The following KCNJ6 variants were observed in gnomAD, a reference collection of about 807,000 sequenced individuals.
KCNJ6 encodes the protein G protein-activated inward rectifier potassium channel 2.
KCNJ6 carries 9 observed loss-of-function variants against 34.2 expected under a neutral mutation model. That is an observed-to-expected ratio of 0.26 (90% CI 0.16 to 0.46). KCNJ6 has a LOEUF of 0.46. Among genes scored for constraint, KCNJ6 ranks in the 20% least tolerant of loss-of-function variants. The pLI, the probability that KCNJ6 is intolerant of heterozygous loss-of-function variation, is 1.00. For missense variants in KCNJ6, 236 were observed against 531.3 expected, an observed-to-expected ratio of 0.44 and a Z score of 5.46; for synonymous variants, 196 against 207.1, an observed-to-expected ratio of 0.95 and a Z score of 0.46.
intron 2 of KCNJ6, among the ~76,000 whole-genome samples, chr21:37,722,679 A>G (rs554277474): frequency 6.6e-6 from 1 of 152,212 alleles, no homozygotes; most frequent in Non-Finnish European, 1.5e-5. Context: ...AAAAATAAGC[A>G]GTGGGGAAAG....
At chr21:37,909,974 G>A (rs1232480573) in intron 1 of KCNJ6, among the ~76,000 whole-genome samples, 1 of 152,182 alleles carries the variant, frequency 6.6e-6, no homozygotes, top group Admixed American at 6.5e-5. Context: ...CCGGTCAATG[G>A]AATGTGAGTG....
intron 1 of KCNJ6, among the ~76,000 whole-genome samples, chr21:37,892,858 T>TC (rs1385786352): frequency 1.3e-5 from 2 of 151,174 alleles, no homozygotes; most frequent in African/African-American, 4.9e-5. Flanking sequence ...TTCATAGTTT[T>TC]TTTTTTTTTT....
chr21:37,815,119 G>C (rs1292447828), intron 2 of KCNJ6, among the ~76,000 whole-genome samples: 1 of 151,974 alleles, frequency 6.6e-6, no homozygotes, highest in Non-Finnish European at 1.5e-5. Context: ...GACTGGGGAG[G>C]GTAGTGGGAG....
intron 2 of KCNJ6, among the ~76,000 whole-genome samples, chr21:37,770,747 A>C (rs567397358): frequency 6.6e-6 from 1 of 152,322 alleles, no homozygotes; most frequent in Non-Finnish European, 1.5e-5. Flanking sequence ...ATCAGCTATG[A>C]TCATAAACCA....
chr21:37,707,731 G>GTGTGTGTGTGTGTGTGTATA (rs1556022152), intron 3 of KCNJ6, among the ~76,000 whole-genome samples: 2 of 150,940 alleles, frequency 1.3e-5, no homozygotes, highest in African/African-American at 4.9e-5. Flanking sequence ...GCATGTGTGT[G>GTGTGTGTGTGTGTGTGTATA]TGTGAATAAT....
intron 2 of KCNJ6, among the ~76,000 whole-genome samples, chr21:37,810,862 G>A (rs551175617): frequency 6.6e-6 from 1 of 152,234 alleles, no homozygotes; most frequent in African/African-American, 2.4e-5. Flanking sequence ...TGCATCTTTT[G>A]TTCTAATATT....
Position 37,608,566 on chromosome 21 carries a change from C to T in KCNJ6, c.*16593G>A, listed in dbSNP as rs2054232226. On this transcript the variant is annotated 3_prime_UTR_variant, in exon 4 of 4. Coordinates refer to ENST00000609713, the MANE Select transcript of KCNJ6 (RefSeq NM_002240.5). ...TCTTACTGCTTACGCAGAAACTGATCTACTTTCTTTACATTCCAGCAAATT... is the reference window on the plus strand; with the variant it reads ...TCTTACTGCTTACGCAGAAACTGATTTACTTTCTTTACATTCCAGCAAATT... The T allele has an allele frequency of 6.6e-6, 1 of 152,248 alleles. No homozygotes were observed. The highest frequency in any genetic ancestry group is 1.5e-5 in the Non-Finnish European group (1 of 68,040). The allele number at this position is 152,248 out of a possible 1,614,324, so 9.4% of individuals were successfully genotyped here. A position where few individuals can be genotyped will look rare whatever the true frequency, so the allele number is the denominator to read the frequency against.
chr21:37,693,552 C>A (rs1454347819), intron 3 of KCNJ6, among the ~76,000 whole-genome samples: 2 of 152,050 alleles, frequency 1.3e-5, no homozygotes, highest in African/African-American at 4.8e-5. Context: ...AGGTGCTCGC[C>A]CCTGAGAACC....
At chr21:37,693,388 A>C (rs1352204559) in intron 3 of KCNJ6, among the ~76,000 whole-genome samples, 1 of 152,188 alleles carries the variant, frequency 6.6e-6, no homozygotes, top group African/African-American at 2.4e-5. Context: ...AGAATGAAGG[A>C]GTATGCAGGA....
At position 37,916,426 on chromosome 21, in the gene KCNJ6, C is replaced by G. The variant is rs2055894990; in HGVS notation, c.-570G>C. 6.6e-6 allele frequency: 1 copy of G among 152,200 alleles called. No individual in the cohort carries two copies. Among genetic ancestry groups the G allele is most frequent in the South Asian group, 2.1e-4 (1 of 4,826 alleles). 9.4% of individuals were successfully genotyped at this position (152,200 alleles called of 1,614,324 possible). A position where few individuals can be genotyped will look rare whatever the true frequency, so the allele number is the denominator to read the frequency against. On this transcript the variant is annotated 5_prime_UTR_variant, in exon 1 of 4. Transcript: ENST00000609713. ...CCGACTGGCTGAGCCCCGCTGGCAG[C>G]GCACGAAGCGACGCGGCTCCGAGAT...
At chr21:37,762,636 T>G (rs1354194996) in intron 2 of KCNJ6, among the ~76,000 whole-genome samples, 1 of 152,186 alleles carries the variant, frequency 6.6e-6, no homozygotes, top group African/African-American at 2.4e-5. Flanking sequence ...GTGCCTCCTC[T>G]GAGGACATTC....
At chr21:37,910,490 G>T (rs984340588) in intron 1 of KCNJ6, among the ~76,000 whole-genome samples, 1 of 152,202 alleles carries the variant, frequency 6.6e-6, no homozygotes, top group Non-Finnish European at 1.5e-5. Context: ...CTCTCACATT[G>T]CATATAATAC....
intron 2 of KCNJ6, among the ~76,000 whole-genome samples, chr21:37,762,717 C>T (rs555195862): frequency 7.2e-5 from 11 of 152,230 alleles, no homozygotes; most frequent in African/African-American, 2.4e-4. Flanking sequence ...TGTGGCGCTG[C>T]GCTGTGTGAT....
chr21:37,732,966 A>T (rs1005489602), intron 2 of KCNJ6, among the ~76,000 whole-genome samples: 3 of 152,188 alleles, frequency 2.0e-5, no homozygotes, highest in Admixed American at 6.5e-5. Context: ...GCAAGCATTC[A>T]AGGGTATTTT....
intron 3 of KCNJ6, among the ~76,000 whole-genome samples, chr21:37,703,775 G>A (rs935900742): frequency 1.3e-5 from 2 of 152,172 alleles, no homozygotes; most frequent in Non-Finnish European, 2.9e-5. Context: ...GGACAGAAAC[G>A]CCACTGTGCC....
chr21:37,709,381 G>A (rs2054738188), intron 3 of KCNJ6, among the ~76,000 whole-genome samples: 1 of 152,148 alleles, frequency 6.6e-6, no homozygotes, highest in African/African-American at 2.4e-5. Flanking sequence ...CGCGGTGGTG[G>A]TGCATGCCTG....
intron 2 of KCNJ6, among the ~76,000 whole-genome samples, chr21:37,792,939 T>C (rs1325034287): frequency 6.6e-6 from 1 of 152,178 alleles, no homozygotes; most frequent in African/African-American, 2.4e-5. Context: ...TGTGTGAGGC[T>C]TGGTCACAAG....
chr21:37,655,368 T>C (rs529290688), intron 3 of KCNJ6, among the ~76,000 whole-genome samples: 125 of 152,268 alleles, frequency 8.2e-4, no homozygotes, highest in African/African-American at 2.7e-3. Flanking sequence ...AGATTACTTT[T>C]GGAGTAATTG....
chr21:37,904,147 C>T (rs2055830309), intron 1 of KCNJ6, among the ~76,000 whole-genome samples: 1 of 152,192 alleles, frequency 6.6e-6, no homozygotes, highest in African/African-American at 2.4e-5. Flanking sequence ...CCAGGTTTCA[C>T]ACTTTTTGTG....
Sources: gnomAD v4.1 joint callset for allele counts (sites outside exome capture counted in the v4.1 genomes callset) on GRCh38, gnomAD v4.1.1 for gene constraint, MANE v1.5 for transcripts, NCBI Gene and HGNC (gene_info 2026-07-23, HGNC 2026-07-21) for gene names.